NEGR1: variants seen among roughly 807,000 people sequenced by gnomAD.
NEGR1 encodes IgLON family member 4.
A neutral mutation model predicts 40.9 loss-of-function variants in NEGR1; 10 were observed. That is an observed-to-expected ratio of 0.24 (90% CI 0.15 to 0.42). NEGR1 has a LOEUF of 0.42. NEGR1 is among the 10% of genes least tolerant of loss of function. NEGR1 has a pLI of 1.00. For synonymous variants in NEGR1, 185 were observed against 166.8 expected, an observed-to-expected ratio of 1.11 and a Z score of -0.84; for missense variants, 352 against 438.9, an observed-to-expected ratio of 0.80 and a Z score of 1.77.
chr1:71,906,490 A>G (rs1661280438), intron 2 of NEGR1, among the ~76,000 whole-genome samples: 1 of 151,710 alleles, frequency 6.6e-6, no homozygotes, highest in Admixed American at 6.6e-5. Flanking sequence ...AAAAAAAAAA[A>G]AAGTTGAGAT....
intron 1 of NEGR1, among the ~76,000 whole-genome samples, chr1:71,973,460 C>A (rs140237284): frequency 6.6e-6 from 1 of 152,068 alleles, no homozygotes; most frequent in Non-Finnish European, 1.5e-5. Flanking sequence ...TAAGCCACCA[C>A]GCTTTTGTCA....
chr1:71,951,594 T>TA (rs1335330610), intron 1 of NEGR1, among the ~76,000 whole-genome samples: 2 of 151,946 alleles, frequency 1.3e-5, no homozygotes, highest in Non-Finnish European at 2.9e-5. Context: ...TTTAAAAATA[T>TA]AAAAAATAGC....
chr1:72,009,649 G>T (rs2100398380), intron 1 of NEGR1, among the ~76,000 whole-genome samples: 1 of 152,118 alleles, frequency 6.6e-6, no homozygotes, highest in East Asian at 1.9e-4. Context: ...GTAACCTAAA[G>T]GATTATCCAT....
chr1:71,793,405 G>A (rs987690387), intron 2 of NEGR1, among the ~76,000 whole-genome samples: 6 of 147,408 alleles, frequency 4.1e-5, no homozygotes, highest in African/African-American at 7.5e-5. Flanking sequence ...CACCACGCCC[G>A]GCCTGGGATG....
chr1:71,558,025 TGA>T (rs1364755723), intron 6 of NEGR1, among the ~76,000 whole-genome samples: 1 of 151,556 alleles, frequency 6.6e-6, no homozygotes, highest in African/African-American at 2.4e-5. Flanking sequence ...CTTATGTATT[TGA>T]GAGAGGAATA....
intron 1 of NEGR1, chr1:72,274,995 T>G: frequency 6.5e-7 from 1 of 1,546,040 alleles, no homozygotes; most frequent in Non-Finnish European, 8.9e-7. Context: ...TTAGTACGAC[T>G]GTGGAAACCA....
intron 4 of NEGR1, among the ~76,000 whole-genome samples, chr1:71,636,029 C>A (rs892091473): frequency 6.6e-6 from 1 of 152,012 alleles, no homozygotes; most frequent in South Asian, 2.1e-4. Flanking sequence ...GTGCTTTAAT[C>A]TTTCTCATAT....
chr1:72,233,420 AG>A (rs1156525786), intron 1 of NEGR1, among the ~76,000 whole-genome samples: 1 of 152,116 alleles, frequency 6.6e-6, no homozygotes, highest in African/African-American at 2.4e-5. Context: ...AGTACACAAT[AG>A]GAAGTTTTTC....
At chr1:71,566,879 G>A (rs1019681998) in intron 6 of NEGR1, among the ~76,000 whole-genome samples, 4 of 152,062 alleles carry the variant, frequency 2.6e-5, no homozygotes, top group Non-Finnish European at 4.4e-5. Flanking sequence ...TTCAGGGGTG[G>A]CACCTTCTGG....
chr1:71,609,906 T>G (rs965735772), intron 5 of NEGR1, among the ~76,000 whole-genome samples: 30 of 152,210 alleles, frequency 2.0e-4, no homozygotes, highest in African/African-American at 7.0e-4. Context: ...CCCCACCCTG[T>G]TCTCGTGATA....
chr1:72,027,675 A>G (rs970045325), intron 1 of NEGR1, among the ~76,000 whole-genome samples: 1 of 152,240 alleles, frequency 6.6e-6, no homozygotes, highest in Non-Finnish European at 1.5e-5. Context: ...TATATAAATA[A>G]TCATTAGTCT....
intron 6 of NEGR1, among the ~76,000 whole-genome samples, chr1:71,574,048 A>C (rs1021240957): frequency 2.6e-5 from 4 of 152,226 alleles, no homozygotes; most frequent in Non-Finnish European, 4.4e-5. Context: ...GATAAAAAGT[A>C]AATGCTTTTA....
intron 6 of NEGR1, among the ~76,000 whole-genome samples, chr1:71,462,266 C>T (rs1305105050): frequency 1.3e-5 from 2 of 152,122 alleles, no homozygotes. Flanking sequence ...TTATTCTTCT[C>T]TGTCAGGATA....
chr1:72,219,369 G>A (rs1293835190), intron 1 of NEGR1, among the ~76,000 whole-genome samples: 2 of 151,924 alleles, frequency 1.3e-5, no homozygotes, highest in Non-Finnish European at 2.9e-5. Context: ...GTCACATTAT[G>A]CAATGTTTTG....
intron 1 of NEGR1, among the ~76,000 whole-genome samples, chr1:71,943,005 T>C (rs901848737): frequency 2.3e-5 from 3 of 133,024 alleles, no homozygotes; most frequent in Non-Finnish European, 5.0e-5. Context: ...TATGTGTGTG[T>C]ATATATATAT....
intron 6 of NEGR1, among the ~76,000 whole-genome samples, chr1:71,548,737 G>T (rs1262213712): frequency 6.6e-6 from 1 of 151,634 alleles, no homozygotes; most frequent in African/African-American, 2.4e-5. Context: ...AACATATAAA[G>T]GAGCACTGAG....
At chr1:72,200,318 A>G (rs938830898) in intron 1 of NEGR1, among the ~76,000 whole-genome samples, 6 of 152,024 alleles carry the variant, frequency 3.9e-5, no homozygotes, top group Non-Finnish European at 7.4e-5. Context: ...CATATACACC[A>G]TGAAATACTA....
At chr1:72,208,054 A>T (rs2100458192) in intron 1 of NEGR1, among the ~76,000 whole-genome samples, 1 of 151,856 alleles carries the variant, frequency 6.6e-6, no homozygotes, top group East Asian at 1.9e-4. Context: ...TTCTAGAAAA[A>T]AAAAGTTGAT....
At chr1:72,052,626 T>A (rs1647073059) in intron 1 of NEGR1, among the ~76,000 whole-genome samples, 1 of 151,526 alleles carries the variant, frequency 6.6e-6, no homozygotes, top group Non-Finnish European at 1.5e-5. Flanking sequence ...AGCAGGTGTC[T>A]TATCAAATAA....
Sources: gnomAD v4.1 joint callset for allele counts (sites outside exome capture counted in the v4.1 genomes callset) on GRCh38, gnomAD v4.1.1 for gene constraint, MANE v1.5 for transcripts, NCBI Gene and HGNC (gene_info 2026-07-23, HGNC 2026-07-21) for gene names.